SCRG1: variants seen among roughly 807,000 people sequenced by gnomAD.
SCRG1 encodes the protein stimulator of chondrogenesis 1, also known as scrapie-responsive protein 1.
In SCRG1, 3 loss-of-function variants were observed where a neutral mutation model predicts 7.7. That is an observed-to-expected ratio of 0.39 (90% CI 0.18 to 1.01). The LOEUF is 1.01. SCRG1 is among the 50% of genes least tolerant of loss of function. SCRG1 has a pLI of 0.36. For missense variants in SCRG1, 110 were observed against 117.2 expected (o/e 0.94, Z 0.28); for synonymous variants, 46 against 41.2 (o/e 1.12, Z -0.44).
At chr4:173,446,276 G>A in the SCRG1 span, among the ~76,000 whole-genome samples, 2 of 151,980 alleles carry the variant, frequency 1.3e-5, no homozygotes, top group South Asian at 2.1e-4. Context: ...TTTTCATTTG[G>A]TTGATGTTTG....
the SCRG1 span, among the ~76,000 whole-genome samples, chr4:173,431,229 C>A: frequency 6.6e-6 from 1 of 152,146 alleles, no homozygotes; most frequent in Admixed American, 6.5e-5. Context: ...GGGACCACTT[C>A]CTGTGGCATA....
At chr4:173,516,712 C>A in the SCRG1 span, among the ~76,000 whole-genome samples, 1 of 152,154 alleles carries the variant, frequency 6.6e-6, no homozygotes. Context: ...GGCTTTTTGA[C>A]CCCTGTGGAA....
chr4:173,509,989 C>A, the SCRG1 span, among the ~76,000 whole-genome samples: 1 of 152,272 alleles, frequency 6.6e-6, no homozygotes, highest in East Asian at 1.9e-4. The surrounding 1 kb of genome is among the most constrained non-coding windows in gnomAD (Gnocchi z 5.7). Context: ...CATATGCGGG[C>A]TCATTTAAAA....
chr4:173,445,741 C>G, the SCRG1 span, among the ~76,000 whole-genome samples: 1 of 150,400 alleles, frequency 6.6e-6, no homozygotes, highest in Admixed American at 6.6e-5. Context: ...TCTCGGCTCA[C>G]TGCAACCTCC....
At chr4:173,419,455 CTTT>C in the SCRG1 span, 1 of 948,444 alleles carries the variant, frequency 1.1e-6, no homozygotes. Flanking sequence ...TTACGCTGTT[CTTT>C]GTGTATTGAG....
chr4:173,457,078 G>A, the SCRG1 span, among the ~76,000 whole-genome samples: 1 of 152,230 alleles, frequency 6.6e-6, no homozygotes, highest in African/African-American at 2.4e-5. Context: ...AAATGTATTT[G>A]TTTCCTTGCC....
chr4:173,475,393 A>G, the SCRG1 span, among the ~76,000 whole-genome samples: 1 of 152,242 alleles, frequency 6.6e-6, no homozygotes, highest in Non-Finnish European at 1.5e-5. Flanking sequence ...GGACAGTCCT[A>G]CATACCAAAG....
the SCRG1 span, among the ~76,000 whole-genome samples, chr4:173,442,150 A>G: frequency 6.6e-6 from 1 of 152,206 alleles, no homozygotes; most frequent in Non-Finnish European, 1.5e-5. Flanking sequence ...CTAGATCTCT[A>G]AAATGTACTT....
chr4:173,446,398 C>T, the SCRG1 span, among the ~76,000 whole-genome samples: 1 of 151,034 alleles, frequency 6.6e-6, no homozygotes, highest in Admixed American at 6.6e-5. Flanking sequence ...ATGTCATGCA[C>T]TCACGGGGGG....
At chr4:173,511,995 G>A in the SCRG1 span, among the ~76,000 whole-genome samples, 2 of 152,208 alleles carry the variant, frequency 1.3e-5, no homozygotes, top group African/African-American at 4.8e-5. This position sits in a 1 kb window ranked among gnomAD's most constrained non-coding sequence, Gnocchi z 5.2. Context: ...CATTAGGACT[G>A]TAAATCCTCA....
chr4:173,467,397 A>G, the SCRG1 span, among the ~76,000 whole-genome samples: 1 of 152,282 alleles, frequency 6.6e-6, no homozygotes, highest in African/African-American at 2.4e-5. Flanking sequence ...AATCCACTCA[A>G]GAGACAGGCA....
the SCRG1 span, among the ~76,000 whole-genome samples, chr4:173,485,099 AT>A: frequency 7.5e-5 from 1 of 13,342 alleles, no homozygotes; most frequent in East Asian, 2.5e-3. Flanking sequence ...TATATATTAT[AT>A]ATTATATATT....
the SCRG1 span, among the ~76,000 whole-genome samples, chr4:173,483,763 AT>A: frequency 1.1e-4 from 3 of 28,494 alleles, 1 homozygote; most frequent in African/African-American, 1.9e-4. Flanking sequence ...GATATATCAT[AT>A]ATATGATATA....
chr4:173,483,800 A>T, the SCRG1 span, among the ~76,000 whole-genome samples: 8 of 82,438 alleles, frequency 9.7e-5, 3 homozygotes, highest in Non-Finnish European at 1.7e-4. Flanking sequence ...CATATATATG[A>T]TATATGATAT....
upstream of SCRG1, among the ~76,000 whole-genome samples, chr4:173,410,618 T>C (rs979733612): frequency 6.6e-6 from 1 of 152,184 alleles, no homozygotes; most frequent in South Asian, 2.1e-4. Context: ...TATGGAGGAA[T>C]GGAGGCTTAA....
intron 1 of SCRG1, among the ~76,000 whole-genome samples, chr4:173,405,021 C>A (rs1374898278): frequency 6.6e-6 from 1 of 152,106 alleles, no homozygotes; most frequent in Non-Finnish European, 1.5e-5. Context: ...AATAAATCTA[C>A]ATTAATACAT....
At chr4:173,451,171 T>C in the SCRG1 span, among the ~76,000 whole-genome samples, 5 of 151,568 alleles carry the variant, frequency 3.3e-5, no homozygotes, top group African/African-American at 1.2e-4. Context: ...CCAGTGTATA[T>C]ATCAACAGCC....
At position 173,391,420 on chromosome 4, in the gene SCRG1, C is replaced by G. The variant is rs754193738; in HGVS notation, c.-6G>C. 1.2e-6 allele frequency: 2 copies of G among 1,613,774 alleles called. No individual in the cohort carries two copies. The highest frequency in any genetic ancestry group is 1.7e-6 in the Non-Finnish European group (2 of 1,179,740). ...ACAAGTACCATCAGTTTCATTTTGGCTTTTGGCCCTGAAATAGAAGAAAGA... is the reference window on the plus strand; with the variant it reads ...ACAAGTACCATCAGTTTCATTTTGGGTTTTGGCCCTGAAATAGAAGAAAGA... On this transcript the variant is annotated 5_prime_UTR_variant, in exon 2 of 3. Coordinates refer to ENST00000296506, the MANE Select transcript of SCRG1 (RefSeq NM_007281.4).
the SCRG1 span, among the ~76,000 whole-genome samples, chr4:173,515,878 A>C: frequency 6.6e-6 from 1 of 152,220 alleles, no homozygotes; most frequent in Non-Finnish European, 1.5e-5. This position sits in a 1 kb window ranked among gnomAD's most constrained non-coding sequence, Gnocchi z 4.6. Flanking sequence ...TTAAAAATTT[A>C]ACTCAGAGAA....
Sources: allele counts gnomAD v4.1 joint callset (sites outside exome capture counted in the v4.1 genomes callset), GRCh38; gene constraint gnomAD v4.1.1; non-coding constraint Gnocchi (gnomAD v3.1); transcripts MANE v1.5; gene names NCBI Gene and HGNC (gene_info 2026-07-23, HGNC 2026-07-21).